KHDC4: variants seen among roughly 807,000 people sequenced by gnomAD.
KHDC4 encodes KH domain containing 4, pre-mRNA splicing factor.
KHDC4 carries 19 observed loss-of-function variants against 74.5 expected under a neutral mutation model. That is an observed-to-expected ratio of 0.26 (90% CI 0.18 to 0.37). The LOEUF (loss-of-function observed/expected upper bound fraction) is 0.37, where lower values mean the gene tolerates loss of function less well. KHDC4 is among the 10% of genes least tolerant of loss of function. The pLI is 1.00. For synonymous variants in KHDC4, 253 were observed against 266.1 expected, an observed-to-expected ratio of 0.95 and a Z score of 0.48; for missense variants, 632 against 754.1, an observed-to-expected ratio of 0.84 and a Z score of 1.90.
rs1572011450 is a variant in KHDC4, at chr1:155,926,416, A to C, written c.681+260T>G. Reference sequence around the variant, plus strand: ...ATGGTCTCAGCTCCCTGCAACCTCCACCTCCCGGCTTCAAGCAATTCTCCT... The same window carrying C: ...ATGGTCTCAGCTCCCTGCAACCTCCCCCTCCCGGCTTCAAGCAATTCTCCT... On this transcript the variant is annotated intron_variant, in intron 6 of 13. Coordinates refer to ENST00000368321, the MANE Select transcript of KHDC4 (RefSeq NM_014949.4). 4 of 400,184 alleles carry C rather than the reference A, an allele frequency of 1.0e-5. No individual in the cohort carries two copies. The Admixed American group carries it at 1.8e-4, about 18-fold the overall frequency. 24.8% of individuals were successfully genotyped at this position (400,184 alleles called of 1,614,324 possible).
At chr1:155,916,541 T>TA (rs1305592357) in intron 12 of KHDC4, 84 bp downstream of exon 12, 3 of 885,398 alleles carry the variant, frequency 3.4e-6, no homozygotes, top group Non-Finnish European at 5.3e-6. Context: ...TCAGAATACT[T>TA]AAGCTCATAG....
intron 6 of KHDC4, 152 bp downstream of exon 6, chr1:155,926,524 G>T (rs868217872): frequency 1.3e-6 from 1 of 779,028 alleles, no homozygotes; most frequent in East Asian, 2.7e-5. Flanking sequence ...CACCACGTTG[G>T]TCAGGCTGGT....
At chr1:155,934,312 A>C in intron 1 of KHDC4, 24 bp downstream of exon 1, 1 of 1,606,440 alleles carries the variant, frequency 6.2e-7, no homozygotes, top group Non-Finnish European at 8.5e-7. Flanking sequence ...GCTCGCTCCG[A>C]TGCCCTCGCC....
chr1:155,927,824 A>C (rs1224491947), intron 4 of KHDC4, among the ~76,000 whole-genome samples: 1 of 88,284 alleles, frequency 1.1e-5, no homozygotes, highest in Non-Finnish European at 2.2e-5. Context: ...AAAAAAAAAA[A>C]AAAAAAACCA....
chr1:155,918,971 G>GTTTTTTTTTTT (rs66693073), intron 10 of KHDC4, among the ~76,000 whole-genome samples: 2 of 107,444 alleles, frequency 1.9e-5, no homozygotes, highest in African/African-American at 3.7e-5. Flanking sequence ...CTAACTCCCA[G>GTTTTTTTTTTT]TTTTTTTTTT....
At chr1:155,927,482 T>A (rs116149775) in intron 4 of KHDC4, among the ~76,000 whole-genome samples, 58 of 152,222 alleles carry the variant, frequency 3.8e-4, no homozygotes, top group Admixed American at 2.4e-3. Context: ...TCTAATAGGT[T>A]ATAAACAAAT....
At chr1:155,929,890 CTAT>C in intron 2 of KHDC4, 50 bp from the exon 3 acceptor site, 2 of 1,285,852 alleles carry the variant, frequency 1.6e-6, no homozygotes, top group Non-Finnish European at 2.1e-6. Context: ...GAGATAAAGT[CTAT>C]TTTTTTATTT....
At chr1:155,924,084 G>A (rs555373843) in intron 7 of KHDC4, among the ~76,000 whole-genome samples, 2 of 152,230 alleles carry the variant, frequency 1.3e-5, no homozygotes, top group East Asian at 3.9e-4. Context: ...TTGGGAGACC[G>A]AGACAGGCGG....
intron 2 of KHDC4, 32 bp downstream of exon 2, chr1:155,933,601 G>T (rs1161819944): frequency 6.5e-7 from 1 of 1,534,348 alleles, no homozygotes; most frequent in Non-Finnish European, 8.9e-7. Flanking sequence ...TATTAAATTC[G>T]CAATTAGTGG....
chr1:155,922,145 C>CT lies in KHDC4; in HGVS notation c.955-228dup, dbSNP rs4020748. ...GGCGCGATCTTGTATCACTGCAAAT[C>CT]TTTTTTTTTTTTTTTTTTTTGAGAC... is the stretch of plus-strand genomic sequence containing the variant. On this transcript the variant is annotated intron_variant, in intron 8 of 13. Coordinates refer to ENST00000368321, the MANE Select transcript of KHDC4 (RefSeq NM_014949.4). 3.2e-3 allele frequency: 598 copies of CT among 187,374 alleles called. 10 individuals are homozygous for CT. The highest frequency in any genetic ancestry group is 0.012 in the African/African-American group (341 of 29,012). 11.6% of individuals were successfully genotyped at this position (187,374 alleles called of 1,614,324 possible).
At chr1:155,921,326 A>G in intron 10 of KHDC4, 49 bp downstream of exon 10, 1 of 1,593,514 alleles carries the variant, frequency 6.3e-7, no homozygotes, top group Admixed American at 1.7e-5. Context: ...CTCTTTCCCC[A>G]GTTTTTCCTA....
intron 8 of KHDC4, 58 bp downstream of exon 8, chr1:155,923,569 G>T: frequency 1.6e-6 from 2 of 1,276,618 alleles, no homozygotes; most frequent in South Asian, 1.2e-5. Context: ...AAACAGCTAA[G>T]ACATACTCCA....
intron 2 of KHDC4, 130 bp from the exon 3 acceptor site, chr1:155,929,970 T>C (rs181310928): frequency 1.2e-4 from 55 of 449,986 alleles, no homozygotes; most frequent in African/African-American, 1.1e-3. Flanking sequence ...TGGAGTGCAG[T>C]GGCGTGATCT....
chr1:155,916,826 T>G, intron 11 of KHDC4, 89 bp from the exon 12 acceptor site: 2 of 839,926 alleles, frequency 2.4e-6, no homozygotes, highest in South Asian at 3.1e-5. Flanking sequence ...GTGCCTCATC[T>G]TTCTGATAAG....
chr1:155,931,894 G>A (rs1402241879), intron 2 of KHDC4, among the ~76,000 whole-genome samples: 2 of 152,064 alleles, frequency 1.3e-5, no homozygotes, highest in East Asian at 3.8e-4. Context: ...GAATCCTTAT[G>A]GCCGCCTTTA....
rs563056122 is a variant in KHDC4 at position 155,924,652 on chromosome 1, C to T, written c.894-965G>A. ...GCAATGGAGCAGTCTCAGCTCACTG[C>T]AACCTCCGCCTCCAGGGTTCAAGCA... On this transcript the variant is annotated intron_variant, in intron 7 of 13. Transcript: ENST00000368321. Among the ~76,000 whole-genome samples the T allele has an allele frequency of 2.7e-5, 4 of 150,492 alleles. No homozygotes were observed. In the South Asian group the frequency reaches 8.4e-4, roughly 32 times the overall value.
At chr1:155,921,315 C>A (rs1246668521) in intron 10 of KHDC4, 60 bp downstream of exon 10, 2 of 1,571,882 alleles carry the variant, frequency 1.3e-6, no homozygotes, top group African/African-American at 1.3e-5. Flanking sequence ...CACTACTTCC[C>A]CTCTTTCCCC....
In KHDC4 at chr1:155,921,308, T is replaced by TACTTCCC. The variant is rs1673857830; in HGVS notation, c.1266+60_1266+66dup. 1.9e-6 allele frequency: 3 copies of TACTTCCC among 1,543,978 alleles called. No individual in the cohort carries two copies. In the Admixed American group the frequency reaches 5.1e-5, roughly 26 times the overall value. On this transcript the variant is annotated intron_variant, in intron 10 of 13. Coordinates refer to ENST00000368321, the MANE Select transcript of KHDC4 (RefSeq NM_014949.4). ...ACATGATTTATTTCTGGAATACCAC[T>TACTTCCC]ACTTCCCCTCTTTCCCCAGTTTTTC...
At position 155,929,793 on chromosome 1, in the gene KHDC4, G is replaced by C; in HGVS notation, c.303C>G (p.Asp101Glu). The change falls in exon 3 of 14, where the codon GAC (aspartate) becomes GAG (glutamate). Residue 101 changes from aspartate to glutamate, a missense_variant. Asp to Glu is a conservative substitution (Grantham distance 45). This residue lies in a region of KHDC4 where 233 missense variants were observed against 342.6 expected (regional missense o/e 0.68). Coordinates refer to ENST00000368321, the MANE Select transcript of KHDC4 (RefSeq NM_014949.4). ...TAATTTCTACTTCAGCTACCACCAG[G>C]TCATCCTTGCTTTTATTGCTAGTTA... ...KGLTSNKSKDDLVVAEVEIND... is the reference protein window; with the variant it reads ...KGLTSNKSKDELVVAEVEIND... 6.2e-7 allele frequency: 1 copy of C among 1,611,402 alleles called. No homozygotes were observed. Among genetic ancestry groups the C allele is most frequent in the Non-Finnish European group, 8.5e-7 (1 of 1,178,896 alleles).
Sources: allele counts gnomAD v4.1 joint callset (sites outside exome capture counted in the v4.1 genomes callset), GRCh38; gene constraint gnomAD v4.1.1; regional missense constraint gnomAD v4.1.1; transcripts MANE v1.5; gene names NCBI Gene and HGNC (gene_info 2026-07-23, HGNC 2026-07-21).